CAST: variants seen among roughly 807,000 people sequenced by gnomAD.
CAST encodes MIR583 host.
In CAST, 76 loss-of-function variants were observed where a neutral mutation model predicts 119.6. That is an observed-to-expected ratio of 0.64 (90% CI 0.53 to 0.77). The LOEUF is 0.77. Ranked by LOEUF, CAST falls within the 30% of genes least tolerant of loss-of-function variation. The pLI, the probability that CAST is intolerant of heterozygous loss-of-function variation, is 0.00. For missense variants in CAST, 953 were observed against 946.5 expected (o/e 1.01, Z -0.09); for synonymous variants, 319 against 331.6 (o/e 0.96, Z 0.41).
At chr5:96,152,378 G>A in the CAST span, among the ~76,000 whole-genome samples, 1 of 152,184 alleles carries the variant, frequency 6.6e-6, no homozygotes, top group Non-Finnish European at 1.5e-5. Context: ...CCTCAGTAAG[G>A]CACCTTCCCA....
At chr5:96,002,322 G>T in the CAST span, among the ~76,000 whole-genome samples, 611 of 152,284 alleles carry the variant, frequency 4.0e-3, 3 homozygotes, top group African/African-American at 0.014. Flanking sequence ...TAGAATAACA[G>T]AATTCAGGGG....
intron 19 of CAST, among the ~76,000 whole-genome samples, chr5:96,749,736 G>T (rs2150571054): frequency 6.6e-6 from 1 of 152,234 alleles, no homozygotes; most frequent in Middle Eastern, 3.4e-3. Flanking sequence ...CTGCAGAGCT[G>T]GGGTTTGGCC....
chr5:96,326,695 A>ATTTTTTTTTTTTTTTTTTTTTTTT, the CAST span, among the ~76,000 whole-genome samples: 18 of 95,736 alleles, frequency 1.9e-4, 2 homozygotes, highest in African/African-American at 2.0e-4. Flanking sequence ...ATGGCTTTTC[A>ATTTTTTTTTTTTTTTTTTTTTTTT]TTTTTTTTTT....
chr5:96,764,554 C>T (rs1311584607), intron 25 of CAST, among the ~76,000 whole-genome samples: 2 of 152,126 alleles, frequency 1.3e-5, no homozygotes. Context: ...CACTCATCAC[C>T]AGTGTGGCAG....
intron 1 of CAST, among the ~76,000 whole-genome samples, chr5:96,582,250 A>G (rs1746783294): frequency 6.6e-6 from 1 of 152,216 alleles, no homozygotes; most frequent in Non-Finnish European, 1.5e-5. Flanking sequence ...TCATTTTAGA[A>G]TTGAGGTTTT....
intron 1 of CAST, among the ~76,000 whole-genome samples, chr5:96,647,521 C>T (rs1748029361): frequency 6.6e-6 from 1 of 152,024 alleles, no homozygotes; most frequent in Non-Finnish European, 1.5e-5. Context: ...AATGTGTCCC[C>T]CCAAAATGAA....
chr5:96,310,643 C>A, the CAST span, among the ~76,000 whole-genome samples: 56 of 148,896 alleles, frequency 3.8e-4, 1 homozygote, highest in Admixed American at 6.0e-4. Context: ...TTTCCTATTT[C>A]TTTATGATTC....
At chr5:96,705,443 C>G (rs1258071194) in intron 3 of CAST, among the ~76,000 whole-genome samples, 1 of 152,128 alleles carries the variant, frequency 6.6e-6, no homozygotes, top group African/African-American at 2.4e-5. Context: ...TCTCCTAAGA[C>G]TTGATGGCTT....
chr5:96,673,622 G>T (rs916361381), intron 1 of CAST, among the ~76,000 whole-genome samples: 1 of 152,144 alleles, frequency 6.6e-6, no homozygotes, highest in Non-Finnish European at 1.5e-5. Flanking sequence ...TGCTTAGTAA[G>T]GTATCCGAGG....
the CAST span, chr5:96,416,125 AG>A: frequency 6.3e-7 from 1 of 1,593,618 alleles, no homozygotes; most frequent in Non-Finnish European, 8.6e-7. Context: ...CCCGTGTCTG[AG>A]GATTGAAAAA....
At chr5:96,049,882 C>A in the CAST span, among the ~76,000 whole-genome samples, 2 of 15,198 alleles carry the variant, frequency 1.3e-4, no homozygotes, top group East Asian at 2.0e-3. Context: ...AACAACAGAA[C>A]AGGAGGCAAA....
intron 11 of CAST, among the ~76,000 whole-genome samples, chr5:96,738,871 G>A (rs113718552): frequency 0.016 from 2,447 of 149,668 alleles, 52 homozygotes; most frequent in African/African-American, 0.057. Context: ...GGAGGCAGTG[G>A]TTGCAGTTAG....
At chr5:96,524,677 C>A (rs1245980847), upstream of CAST, among the ~76,000 whole-genome samples, 1 of 152,152 alleles carries the variant, frequency 6.6e-6, no homozygotes, top group Non-Finnish European at 1.5e-5. Flanking sequence ...GAGCACCCTG[C>A]CCCTATATTC....
chr5:96,426,928 C>T, the CAST span, among the ~76,000 whole-genome samples: 2 of 152,132 alleles, frequency 1.3e-5, no homozygotes, highest in Non-Finnish European at 1.5e-5. Flanking sequence ...AACCTGAAAG[C>T]TAGAAATTAG....
chr5:96,619,453 G>C (rs546676101), intron 1 of CAST, among the ~76,000 whole-genome samples: 2 of 152,356 alleles, frequency 1.3e-5, no homozygotes, highest in East Asian at 1.9e-4. Flanking sequence ...CAATCAGCAG[G>C]ATGTGGGTGG....
chr5:96,259,539 G>C, the CAST span, among the ~76,000 whole-genome samples: 1 of 152,252 alleles, frequency 6.6e-6, no homozygotes, highest in East Asian at 1.9e-4. Flanking sequence ...AAATAATGAA[G>C]CCATAGTTTT....
chr5:96,370,608 G>A, the CAST span, among the ~76,000 whole-genome samples: 1 of 151,440 alleles, frequency 6.6e-6, no homozygotes, highest in Non-Finnish European at 1.5e-5. Flanking sequence ...ACAGTAAGGG[G>A]TAGGCCTGGA....
At chr5:96,120,503 A>G in the CAST span, among the ~76,000 whole-genome samples, 1 of 151,600 alleles carries the variant, frequency 6.6e-6, no homozygotes, top group Non-Finnish European at 1.5e-5. Flanking sequence ...TTCTTTTGGT[A>G]TAATGGTTCT....
In CAST at chr5:96,757,426, G is replaced by GT; in HGVS notation, c.1711-14dup. ...AATGTAAAATGATTTCATGCCATGT[G>GT]TTTTCCCCCCCGGATAGGATAAAGA... On this transcript the variant is annotated splice_polypyrimidine_tract_variant and intron_variant, in intron 22 of 31. Coordinates refer to ENST00000675179, the MANE Select transcript of CAST (RefSeq NM_001750.7). 2 of 1,611,926 alleles carry GT rather than the reference G, an allele frequency of 1.2e-6. No homozygotes were observed. The highest frequency in any genetic ancestry group is 1.7e-6 in the Non-Finnish European group (2 of 1,178,082).
Sources: gnomAD v4.1 joint callset for allele counts (sites outside exome capture counted in the v4.1 genomes callset) on GRCh38, gnomAD v4.1.1 for gene constraint, MANE v1.5 for transcripts, NCBI Gene and HGNC (gene_info 2026-07-23, HGNC 2026-07-21) for gene names.